The following ST8SIA4 variants were observed in gnomAD, a reference collection of about 807,000 sequenced individuals.
ST8SIA4 encodes ST8 alpha-N-acetyl-neuraminide alpha-2,8-sialyltransferase 4, also known as CMP-N-acetylneuraminate-poly-alpha-2,8-sialyltransferase.
ST8SIA4 carries 15 observed loss-of-function variants against 33.9 expected under a neutral mutation model. That is an observed-to-expected ratio of 0.44 (90% CI 0.30 to 0.68). ST8SIA4 has a LOEUF of 0.68. Among genes scored for constraint, ST8SIA4 ranks in the 30% least tolerant of loss-of-function variants. The pLI, the probability that ST8SIA4 is intolerant of heterozygous loss-of-function variation, is 0.10. For missense variants in ST8SIA4, 321 were observed against 428.0 expected (o/e 0.75, Z 2.21); for synonymous variants, 171 against 151.2 (o/e 1.13, Z -0.96).
At chr5:100,855,114 T>C (rs943643019) in intron 4 of ST8SIA4, among the ~76,000 whole-genome samples, 2 of 152,214 alleles carry the variant, frequency 1.3e-5, no homozygotes, top group African/African-American at 4.8e-5. Flanking sequence ...TTCCATACGT[T>C]TACTGTGCAC....
chr5:100,811,586 T>C lies in ST8SIA4; in HGVS notation c.*261A>G, dbSNP rs1750817888. On this transcript the variant is annotated 3_prime_UTR_variant, in exon 5 of 5. Coordinates refer to ENST00000231461, the MANE Select transcript of ST8SIA4 (RefSeq NM_005668.6). ...TAATGATGAGTGCACTGTTGGATCTTGTAAACACTACTGATTATACATTCA... is the reference window on the plus strand; with the variant it reads ...TAATGATGAGTGCACTGTTGGATCTCGTAAACACTACTGATTATACATTCA... The C allele has an allele frequency of 5.2e-6, 2 of 384,530 alleles. No homozygotes were observed. Among genetic ancestry groups the C allele is most frequent in the Non-Finnish European group, 9.6e-6 (2 of 208,968 alleles). The allele number at this position is 384,530 out of a possible 1,614,324, so 23.8% of individuals were successfully genotyped here.
intron 4 of ST8SIA4, among the ~76,000 whole-genome samples, chr5:100,835,042 G>T (rs958616714): frequency 1.3e-5 from 2 of 152,046 alleles, no homozygotes; most frequent in African/African-American, 4.8e-5. Flanking sequence ...AGGAACTAGG[G>T]CTGAGATGTC....
chr5:100,834,255 T>C (rs560929855), intron 4 of ST8SIA4, among the ~76,000 whole-genome samples: 4 of 152,124 alleles, frequency 2.6e-5, no homozygotes, highest in African/African-American at 9.6e-5. Flanking sequence ...AAGGAGCAAT[T>C]GTTAGTTGTA....
intron 4 of ST8SIA4, among the ~76,000 whole-genome samples, chr5:100,851,434 A>G (rs1304584106): frequency 6.6e-6 from 1 of 152,074 alleles, no homozygotes; most frequent in Non-Finnish European, 1.5e-5. Context: ...GAGAAGTACT[A>G]CAAATGTCCA....
chr5:100,839,525 C>A (rs906273620), intron 4 of ST8SIA4, among the ~76,000 whole-genome samples: 2 of 151,732 alleles, frequency 1.3e-5, no homozygotes, highest in Admixed American at 6.6e-5. Context: ...ACTATAAATC[C>A]CTAGCTACAA....
intron 4 of ST8SIA4, among the ~76,000 whole-genome samples, chr5:100,845,291 T>C (rs1751545694): frequency 6.6e-6 from 1 of 151,982 alleles, no homozygotes; most frequent in Non-Finnish European, 1.5e-5. Flanking sequence ...TAAATAACTT[T>C]TCTCCACAAA....
intron 3 of ST8SIA4, among the ~76,000 whole-genome samples, chr5:100,884,752 A>G (rs1752500533): frequency 6.6e-6 from 1 of 152,214 alleles, no homozygotes; most frequent in East Asian, 1.9e-4. Flanking sequence ...TCAGGAAGCA[A>G]TAAGGAAATG....
chr5:100,823,160 C>CAAACA (rs1561385173), intron 4 of ST8SIA4, among the ~76,000 whole-genome samples: 1 of 149,590 alleles, frequency 6.7e-6, no homozygotes, highest in African/African-American at 2.5e-5. Flanking sequence ...AACAAACAAA[C>CAAACA]AAAAAAACCC....
intron 3 of ST8SIA4, among the ~76,000 whole-genome samples, chr5:100,881,806 T>C (rs1352188663): frequency 1.3e-5 from 2 of 152,194 alleles, no homozygotes; most frequent in African/African-American, 4.8e-5. Flanking sequence ...TGAGATCTGA[T>C]GGTTTTATCT....
intron 4 of ST8SIA4, among the ~76,000 whole-genome samples, chr5:100,850,158 A>G (rs975595025): frequency 1.3e-5 from 2 of 152,206 alleles, no homozygotes; most frequent in East Asian, 1.9e-4. Context: ...TTAAAAATCT[A>G]TATGAAATAT....
chr5:100,817,256 C>T (rs180858460), intron 4 of ST8SIA4, among the ~76,000 whole-genome samples: 14 of 151,572 alleles, frequency 9.2e-5, no homozygotes, highest in East Asian at 1.9e-4. Flanking sequence ...CATGAGCCAC[C>T]GTGCCCAGCC....
chr5:100,815,416 CCTTT>C (rs1378388395), intron 4 of ST8SIA4, among the ~76,000 whole-genome samples: 6 of 151,264 alleles, frequency 4.0e-5, no homozygotes, highest in African/African-American at 9.7e-5. Context: ...TTTCATCCTT[CCTTT>C]CTTCCTTCCT....
At position 100,856,129 on chromosome 5, in the gene ST8SIA4, T is replaced by C; in HGVS notation, c.771A>G (p.Ser257=). The change falls in exon 4 of 5, where the codon TCA becomes TCG. Residue 257 remains serine (S), a synonymous_variant. Transcript: ENST00000231461. ...NKLKVRTAYP[S]LRLIHAVRGY... ...CTCTGACAGCATGAATAAGTCTCAATGACGGATAGGCAGTTCGCACTTTCA... is the reference window on the plus strand; with the variant it reads ...CTCTGACAGCATGAATAAGTCTCAACGACGGATAGGCAGTTCGCACTTTCA... 1 of 1,614,058 alleles carries C rather than the reference T, an allele frequency of 6.2e-7. No homozygotes were observed. Among genetic ancestry groups the C allele is most frequent in the Non-Finnish European group, 8.5e-7 (1 of 1,179,924 alleles).
At chr5:100,852,523 G>T (rs182079227) in intron 4 of ST8SIA4, among the ~76,000 whole-genome samples, 8 of 151,892 alleles carry the variant, frequency 5.3e-5, no homozygotes, top group African/African-American at 1.7e-4. Flanking sequence ...GTAAAAAAGT[G>T]GCAATCCCAC....
At chr5:100,813,290 T>A (rs1750850668) in intron 4 of ST8SIA4, among the ~76,000 whole-genome samples, 1 of 152,026 alleles carries the variant, frequency 6.6e-6, no homozygotes, top group Non-Finnish European at 1.5e-5. Context: ...ACTGGAAACA[T>A]CCAAAACAGG....
intron 1 of ST8SIA4, among the ~76,000 whole-genome samples, chr5:100,896,197 A>G (rs1181439509): frequency 1.3e-5 from 2 of 152,212 alleles, no homozygotes; most frequent in South Asian, 2.1e-4. Flanking sequence ...TAGAAATAAT[A>G]TAACTGTCCA....
rs1406664469 is a variant in ST8SIA4, at chr5:100,808,348, A to G, written c.*3499T>C. On this transcript the variant is annotated 3_prime_UTR_variant, in exon 5 of 5. Coordinates refer to ENST00000231461, the MANE Select transcript of ST8SIA4 (RefSeq NM_005668.6). ...ATTTGAATGCCCAGCACCTTCTTTCAGATAGAAAAACTTCCGCAGTAGTTT... is the reference window on the plus strand; with the variant it reads ...ATTTGAATGCCCAGCACCTTCTTTCGGATAGAAAAACTTCCGCAGTAGTTT... 2 of 152,672 alleles carry G rather than the reference A, an allele frequency of 1.3e-5. No individual in the cohort carries two copies. Among genetic ancestry groups the G allele is most frequent in the Non-Finnish European group, 2.9e-5 (2 of 68,030 alleles). 9.5% of individuals were successfully genotyped at this position (152,672 alleles called of 1,614,324 possible). A position where few individuals can be genotyped will look rare whatever the true frequency, so the allele number is the denominator to read the frequency against.
intron 2 of ST8SIA4, among the ~76,000 whole-genome samples, chr5:100,887,102 CATATG>C (rs955794391): frequency 1.1e-4 from 16 of 152,014 alleles, no homozygotes; most frequent in African/African-American, 3.9e-4. Flanking sequence ...TACATTTATA[CATATG>C]ATATGTATAT....
At chr5:100,861,135 C>T (rs1006347859) in intron 3 of ST8SIA4, among the ~76,000 whole-genome samples, 1 of 151,994 alleles carries the variant, frequency 6.6e-6, no homozygotes. Flanking sequence ...TGAAATATCA[C>T]ATTAAACATT....
Sources: allele counts gnomAD v4.1 joint callset (sites outside exome capture counted in the v4.1 genomes callset), GRCh38; gene constraint gnomAD v4.1.1; transcripts MANE v1.5; gene names NCBI Gene and HGNC (gene_info 2026-07-23, HGNC 2026-07-21).